CCDC40: variants seen among roughly 807,000 people sequenced by gnomAD.
The protein encoded by CCDC40 is coiled-coil domain 40 molecular ruler complex subunit, also known as coiled-coil domain-containing protein 40.
CCDC40 carries 104 observed loss-of-function variants against 124.5 expected under a neutral mutation model. The ratio of observed to expected loss-of-function variants is 0.84; its 90% confidence interval spans 0.71 to 0.98. The LOEUF (loss-of-function observed/expected upper bound fraction) is 0.98. Among genes scored for constraint, CCDC40 ranks in the 50% least tolerant of loss-of-function variants. The pLI, the probability that CCDC40 is intolerant of heterozygous loss-of-function variation, is 0.00. For synonymous variants in CCDC40, 580 were observed against 602.9 expected, an observed-to-expected ratio of 0.96 and a Z score of 0.56; for missense variants, 1,463 against 1,503.9, an observed-to-expected ratio of 0.97 and a Z score of 0.45.
At chr17:80,080,935 C>T (rs527841869) in intron 10 of CCDC40, among the ~76,000 whole-genome samples, 33 of 152,276 alleles carry the variant, frequency 2.2e-4, no homozygotes, top group Non-Finnish European at 2.9e-4. Context: ...ATGTTCTCAA[C>T]ACGAAGGAAG....
intron 10 of CCDC40, among the ~76,000 whole-genome samples, chr17:80,069,030 C>T (rs1399532837): frequency 6.6e-6 from 1 of 152,216 alleles, no homozygotes; most frequent in Non-Finnish European, 1.5e-5. Flanking sequence ...GCGAGCAGCC[C>T]TCACCCTGAC....
rs371383125 is a variant in CCDC40, at chr17:80,081,893, G to A, written c.1824G>A (p.Thr608=). 86 of 1,614,100 alleles carry A rather than the reference G, an allele frequency of 5.3e-5. 1 individual carries two copies. The African/African-American group carries it at 9.3e-4, about 18-fold the overall frequency. The part of the protein sequence containing the change: ...SQDQLEQMIL[T]EELQAIRQAI... ...GTCTCCAGGAACAAATGATACTCAC[G>A]GAGGAGTTGCAGGCCATCCGCCAAG... Residue 608 remains threonine (T), a synonymous_variant, in exon 12 of 20, where the codon ACG becomes ACA. Transcript: ENST00000397545.
chr17:80,051,317 G>A (rs916718878), intron 7 of CCDC40: 4 of 983,150 alleles, frequency 4.1e-6, no homozygotes, highest in Non-Finnish European at 4.8e-6. Context: ...TCAGAGTTAG[G>A]GTAAGTGGGC....
chr17:80,084,844 G>C lies in CCDC40; in HGVS notation c.2091G>C (p.Glu697Asp). 6.2e-7 allele frequency: 1 copy of C among 1,614,176 alleles called. No individual in the cohort carries two copies. The highest frequency in any genetic ancestry group is 1.6e-4 in the Middle Eastern group (1 of 6,062). The change falls in exon 13 of 20, where the codon GAG (glutamate) becomes GAC (aspartate). Residue 697 changes from glutamate (E) to aspartate (D), a missense_variant. Transcript: ENST00000397545. ...RLDAHQKTLV[E>D]LDQDVKKVNE... is the part of the protein sequence containing the mutation. ...ACGCACACCAGAAGACCCTGGTGGA[G>C]CTGGACCAGGACGTGAAGAAAGTCA...
At chr17:80,096,624 A>G (rs1281624810) in intron 18 of CCDC40, among the ~76,000 whole-genome samples, 1 of 129,222 alleles carries the variant, frequency 7.7e-6, no homozygotes, top group Non-Finnish European at 1.6e-5. Context: ...CTCCAGCCCC[A>G]GGCCCTGCGC....
At chr17:80,056,018 T>TATATATATATATATATATA (rs2037740131) in intron 7 of CCDC40, among the ~76,000 whole-genome samples, 1 of 44,318 alleles carries the variant, frequency 2.3e-5, no homozygotes, top group African/African-American at 7.6e-5. Context: ...ATATATATAT[T>TATATATATATATATATATA]TTTTTTTTTT....
chr17:80,064,244 G>A (rs1012217003), intron 9 of CCDC40, among the ~76,000 whole-genome samples: 4 of 152,192 alleles, frequency 2.6e-5, no homozygotes, highest in Non-Finnish European at 4.4e-5. Flanking sequence ...CGGCTCCCCC[G>A]TGATGTTCTA....
At chr17:80,077,491 C>T (rs567012679) in intron 10 of CCDC40, among the ~76,000 whole-genome samples, 114 of 152,320 alleles carry the variant, frequency 7.5e-4, no homozygotes, top group African/African-American at 2.6e-3. Flanking sequence ...CCATTGCACT[C>T]CAGCCTGGGT....
chr17:80,053,099 G>C (rs2037647249), intron 7 of CCDC40, among the ~76,000 whole-genome samples: 1 of 152,228 alleles, frequency 6.6e-6, no homozygotes, highest in African/African-American at 2.4e-5. Flanking sequence ...GTGTCCGAAA[G>C]GGAGATTTCA....
At chr17:80,064,205 A>G (rs1181363819) in intron 9 of CCDC40, among the ~76,000 whole-genome samples, 1 of 152,170 alleles carries the variant, frequency 6.6e-6, no homozygotes, top group Non-Finnish European at 1.5e-5. Context: ...CTCCAGGGCG[A>G]TGGCCTCTCT....
intron 17 of CCDC40, chr17:80,090,868 T>G: frequency 1.0e-6 from 1 of 987,842 alleles, no homozygotes; most frequent in African/African-American, 1.7e-5. Flanking sequence ...GTGCATATGC[T>G]AATAAGATGT....
rs1598487736 is a variant in CCDC40, at chr17:80,049,909, C to T, written c.859C>T (p.Leu287=). 1.9e-6 allele frequency: 3 copies of T among 1,613,998 alleles called. No individual in the cohort carries two copies. In the South Asian group the frequency reaches 3.3e-5, roughly 18 times the overall value. Residue 287 remains leucine (L), a synonymous_variant, in exon 6 of 20, where the codon CTG becomes TTG. Coordinates refer to ENST00000397545, the MANE Select transcript of CCDC40 (RefSeq NM_017950.4). ...CTGTGGTTTTCCATTGTTCTAGCCC[C>T]TGATGGTAAGATTCCAGGCTGCCCT... ...QLVVLDPDHP[L]MVRFQAALKN...
Position 80,087,786 on chromosome 17 carries a change from T to C in CCDC40, c.2619+10T>C, listed in dbSNP as rs2038618973. ...CGTGCGCTCGCTGAAGGTCCGGCCGTGTCCACGCAGTCCCGGGGCTCAGGA... is the reference window on the plus strand; with the variant it reads ...CGTGCGCTCGCTGAAGGTCCGGCCGCGTCCACGCAGTCCCGGGGCTCAGGA... On this transcript the variant is annotated intron_variant, in intron 15 of 19. Transcript: ENST00000397545. This position sits in a 1 kb window ranked among gnomAD's most constrained non-coding sequence, Gnocchi z 4.5. 1.2e-6 allele frequency: 2 copies of C among 1,613,370 alleles called. No individual in the cohort carries two copies. The highest frequency in any genetic ancestry group is 3.3e-5 in the Admixed American group (2 of 60,006).
chr17:80,049,508 A>C (rs1165390204), intron 5 of CCDC40, among the ~76,000 whole-genome samples: 2 of 151,928 alleles, frequency 1.3e-5, no homozygotes, highest in Non-Finnish European at 2.9e-5. Context: ...ATTGGATCGC[A>C]GCTCCCTGCC....
chr17:80,097,015 T>A (rs768467049), intron 18 of CCDC40, among the ~76,000 whole-genome samples: 39 of 152,072 alleles, frequency 2.6e-4, no homozygotes, highest in Non-Finnish European at 5.0e-4. Context: ...CCAGAACCAC[T>A]CAGGCCCCCA....
At chr17:80,038,234 T>G (rs760607775) in intron 2 of CCDC40, 48 bp downstream of exon 2, 45 of 1,292,746 alleles carry the variant, frequency 3.5e-5, no homozygotes, top group Non-Finnish European at 4.1e-5. Flanking sequence ...TTACTAGGAA[T>G]TAAAGAGAAT....
At chr17:80,071,154 A>G (rs1213486096) in intron 10 of CCDC40, among the ~76,000 whole-genome samples, 2 of 152,228 alleles carry the variant, frequency 1.3e-5, no homozygotes, top group African/African-American at 2.4e-5. Context: ...CCTGGACCGC[A>G]CTTAACTTGG....
chr17:80,062,943 C>T lies in CCDC40; in HGVS notation c.1441-2542C>T, dbSNP rs1287506582. The stretch of plus-strand genomic sequence containing the variant: ...GCATGGTGGCTCACACCTGTAATCC[C>T]AGCACTTTGTGAGACCGAGGTCGGC... On this transcript the variant is annotated intron_variant, in intron 9 of 19. Transcript: ENST00000397545. Among the ~76,000 whole-genome samples, 8 of 152,186 alleles carry T rather than the reference C, an allele frequency of 5.3e-5. No individual in the cohort carries two copies. In the East Asian group the frequency reaches 1.5e-3, roughly 29 times the overall value.
Position 80,055,850 on chromosome 17 carries a change from C to T in CCDC40, c.1160-2644C>T, listed in dbSNP as rs116716076. 3.5e-3 allele frequency among the ~76,000 whole-genome samples: 532 copies of T among 150,576 alleles called. 1 individual carries two copies. The highest frequency in any genetic ancestry group is 0.012 in the African/African-American group (502 of 41,024). ...TTGTTTTCTTCGAGACAGCGAGACG[C>T]ATCTTGCTCTGTTTCCCAGGCTGGA... On this transcript the variant is annotated intron_variant, in intron 7 of 19. Coordinates refer to ENST00000397545, the MANE Select transcript of CCDC40 (RefSeq NM_017950.4).
Sources: allele counts gnomAD v4.1 joint callset (sites outside exome capture counted in the v4.1 genomes callset), GRCh38; gene constraint gnomAD v4.1.1; non-coding constraint Gnocchi (gnomAD v3.1); transcripts MANE v1.5; gene names NCBI Gene and HGNC (gene_info 2026-07-23, HGNC 2026-07-21).